The following STXBP6 variants were observed in gnomAD, a reference collection of about 807,000 sequenced individuals.
STXBP6 encodes the protein syntaxin-binding protein 6.
STXBP6 carries 21 observed loss-of-function variants against 26.9 expected under a neutral mutation model. That is an observed-to-expected ratio of 0.78 (90% CI 0.55 to 1.12). STXBP6 has a LOEUF of 1.12. Among genes scored for constraint, STXBP6 ranks in the 50% most tolerant of loss-of-function variants. The pLI is 0.00. For synonymous variants in STXBP6, 97 were observed against 92.6 expected (o/e 1.05, Z -0.27); for missense variants, 232 against 257.9 (o/e 0.90, Z 0.69).
intron 2 of STXBP6, among the ~76,000 whole-genome samples, chr14:24,873,022 A>G (rs1403889472): frequency 1.3e-5 from 2 of 152,162 alleles, no homozygotes; most frequent in East Asian, 3.8e-4. Flanking sequence ...TTTATTTGTA[A>G]TTTAATAGGT....
intron 2 of STXBP6, among the ~76,000 whole-genome samples, chr14:24,891,546 C>T (rs1329891211): frequency 1.3e-5 from 2 of 152,222 alleles, no homozygotes; most frequent in East Asian, 1.9e-4. Context: ...GCCCGACCCT[C>T]TCTAAAGAAA....
At chr14:25,041,421 C>A (rs1487576933) in intron 1 of STXBP6, among the ~76,000 whole-genome samples, 1 of 152,234 alleles carries the variant, frequency 6.6e-6, no homozygotes, top group Non-Finnish European at 1.5e-5. Flanking sequence ...CACCCAGCTT[C>A]ATATTCCCAG....
At chr14:24,869,713 A>G (rs1186359006) in intron 2 of STXBP6, among the ~76,000 whole-genome samples, 5 of 152,150 alleles carry the variant, frequency 3.3e-5, no homozygotes, top group African/African-American at 1.2e-4. Flanking sequence ...ATGTCCACAC[A>G]CTTCCATCCA....
intron 1 of STXBP6, among the ~76,000 whole-genome samples, chr14:25,010,883 A>G (rs1337877133): frequency 1.3e-5 from 2 of 152,198 alleles, no homozygotes; most frequent in East Asian, 1.9e-4. Flanking sequence ...AGCCCATCCT[A>G]TGAAAGAACC....
chr14:24,943,290 A>C (rs1215222325), intron 2 of STXBP6, among the ~76,000 whole-genome samples: 1 of 152,172 alleles, frequency 6.6e-6, no homozygotes, highest in East Asian at 1.9e-4. Context: ...TCCTTTCTGA[A>C]AGGCAAGTGT....
intron 1 of STXBP6, among the ~76,000 whole-genome samples, chr14:25,047,191 GT>G (rs1181513881): frequency 1.3e-5 from 2 of 152,188 alleles, no homozygotes; most frequent in Non-Finnish European, 2.9e-5. Context: ...AAATGGGGTA[GT>G]TTTTAGATTT....
At chr14:24,886,817 A>G (rs904715406) in intron 2 of STXBP6, among the ~76,000 whole-genome samples, 3 of 152,230 alleles carry the variant, frequency 2.0e-5, no homozygotes, top group South Asian at 2.1e-4. Context: ...CTTGTAACTA[A>G]TAAGTAGATA....
At chr14:25,042,068 G>C (rs1275460416) in intron 1 of STXBP6, among the ~76,000 whole-genome samples, 1 of 152,130 alleles carries the variant, frequency 6.6e-6, no homozygotes, top group South Asian at 2.1e-4. Context: ...TGTACGTATT[G>C]TTTCCCAGAA....
chr14:25,022,439 A>C (rs1415188441), intron 1 of STXBP6, among the ~76,000 whole-genome samples: 1 of 152,168 alleles, frequency 6.6e-6, no homozygotes, highest in Non-Finnish European at 1.5e-5. Context: ...CATTACGGCC[A>C]GGTAAGTTGG....
In STXBP6 at chr14:25,049,705, C is replaced by T. The variant is rs79870238; in HGVS notation, c.-33+173G>A. 0.021 allele frequency: 20,576 copies of T among 985,668 alleles called. 262 individuals are homozygous for T. The highest frequency in any genetic ancestry group is 0.023 in the Non-Finnish European group (19,345 of 830,154). The allele number at this position is 985,668 out of a possible 1,614,324, so 61.1% of individuals were successfully genotyped here. On this transcript the variant is annotated intron_variant, in intron 1 of 5. Coordinates refer to ENST00000323944, the MANE Select transcript of STXBP6 (RefSeq NM_001394410.1). This position sits in a 1 kb window ranked among gnomAD's most constrained non-coding sequence, Gnocchi z 5.6. The stretch of plus-strand genomic sequence containing the variant: ...GCGCCGGGGCGCGCGGCCCCCTCTC[C>T]CGCCACCCGCCAACTTGGAAGAATC...
intron 2 of STXBP6, among the ~76,000 whole-genome samples, chr14:24,876,522 CAT>C (rs1173603611): frequency 6.6e-6 from 1 of 152,138 alleles, no homozygotes; most frequent in South Asian, 2.1e-4. Context: ...CAAGGACACC[CAT>C]AGTTATAACT....
chr14:24,863,175 G>A (rs1333714247), intron 2 of STXBP6, among the ~76,000 whole-genome samples: 1 of 152,192 alleles, frequency 6.6e-6, no homozygotes, highest in East Asian at 1.9e-4. Flanking sequence ...TTAACCCCTG[G>A]AAGGCTTGAG....
chr14:24,943,921 T>C (rs1213934273), intron 2 of STXBP6, among the ~76,000 whole-genome samples: 4 of 152,272 alleles, frequency 2.6e-5, no homozygotes, highest in Admixed American at 1.3e-4. Context: ...TTACATATCA[T>C]TGAAATTCAT....
chr14:24,990,317 G>A (rs900058813), intron 1 of STXBP6, among the ~76,000 whole-genome samples: 5 of 152,126 alleles, frequency 3.3e-5, no homozygotes, highest in African/African-American at 1.2e-4. Context: ...AGTTGAGAAA[G>A]GCCCGACTTA....
intron 2 of STXBP6, among the ~76,000 whole-genome samples, chr14:24,957,593 A>G (rs1365949442): frequency 6.6e-6 from 1 of 152,234 alleles, no homozygotes; most frequent in African/African-American, 2.4e-5. Flanking sequence ...GATGTGAATG[A>G]TGACGGAACT....
rs527946022 is a variant in STXBP6, at chr14:24,930,565, A to G, written c.154+44100T>C. On this transcript the variant is annotated intron_variant, in intron 2 of 5. Transcript: ENST00000323944. Reference sequence around the variant, plus strand: ...CCCAGGGTTGCTGCCATCACAATGAACTGATAACACTGAAGCAAAGGCCTA... The same window carrying G: ...CCCAGGGTTGCTGCCATCACAATGAGCTGATAACACTGAAGCAAAGGCCTA... Among the ~76,000 whole-genome samples the G allele has an allele frequency of 3.9e-5, 6 of 152,270 alleles. No homozygotes were observed. In the East Asian group the frequency reaches 9.7e-4, roughly 25 times the overall value.
chr14:24,815,067 G>A (rs2067932023), intron 5 of STXBP6, among the ~76,000 whole-genome samples: 1 of 152,182 alleles, frequency 6.6e-6, no homozygotes, highest in Admixed American at 6.5e-5. Flanking sequence ...GGAATTAGGA[G>A]CGTTAGAATA....
At chr14:24,995,351 G>A (rs2074575977) in intron 1 of STXBP6, among the ~76,000 whole-genome samples, 1 of 152,090 alleles carries the variant, frequency 6.6e-6, no homozygotes, top group Non-Finnish European at 1.5e-5. Flanking sequence ...GAATTTTGGG[G>A]GCATATTCAG....
chr14:24,987,956 C>T (rs1352410105), intron 1 of STXBP6: 6 of 886,508 alleles, frequency 6.8e-6, no homozygotes, highest in Non-Finnish European at 6.8e-6. Flanking sequence ...AGTACTTTCC[C>T]TCATGGAGCT....
Sources: allele counts gnomAD v4.1 joint callset (sites outside exome capture counted in the v4.1 genomes callset), GRCh38; gene constraint gnomAD v4.1.1; non-coding constraint Gnocchi (gnomAD v3.1); transcripts MANE v1.5; gene names NCBI Gene and HGNC (gene_info 2026-07-23, HGNC 2026-07-21).